The following GSTA5 variants were observed in gnomAD, a reference collection of about 807,000 sequenced individuals.
The protein encoded by GSTA5 is glutathione S-transferase alpha 5.
Under a neutral mutation model 21.8 loss-of-function variants are expected in GSTA5, and 25 were observed. That is an observed-to-expected ratio of 1.14 (90% CI 0.83 to 1.60). The LOEUF is 1.60. Ranked by LOEUF, GSTA5 falls within the 40% of genes most tolerant of loss-of-function variation. The pLI, the probability that GSTA5 is intolerant of heterozygous loss-of-function variation, is 0.00. For missense variants in GSTA5, 330 were observed against 259.2 expected (o/e 1.27, Z -1.88); for synonymous variants, 102 against 89.5 (o/e 1.14, Z -0.78).
intron 1 of GSTA5, 26 bp from the exon 2 acceptor site, chr6:52,837,635 T>C: frequency 6.5e-7 from 1 of 1,539,768 alleles, no homozygotes; most frequent in East Asian, 2.3e-5. Context: ...GTAAATGGGT[T>C]CTTCTTAGTT....
chr6:52,831,794 T>C, exon 6 of GSTA5: 19 of 1,605,582 alleles, frequency 1.2e-5, no homozygotes, highest in Non-Finnish European at 1.5e-5. Context: ...CACTTCATTG[T>C]TGCAAACTGT....
At chr6:52,846,244 G>A in the GSTA5 span, 2 of 166,798 alleles carry the variant, frequency 1.2e-5, no homozygotes, top group African/African-American at 2.4e-5. Context: ...CATGAGGCAA[G>A]TGATCTGCTT....
chr6:52,833,452 C>T (rs1236490926), intron 4 of GSTA5, among the ~76,000 whole-genome samples: 3 of 152,158 alleles, frequency 2.0e-5, no homozygotes, highest in South Asian at 4.1e-4. Flanking sequence ...CTCATTTGTC[C>T]TTGTCTGCCC....
rs781548202 is a variant in GSTA5, at chr6:52,836,284, A to G, written c.224T>C (p.Ile75Thr). The G allele has an allele frequency of 6.2e-6, 10 of 1,613,836 alleles. No individual in the cohort carries two copies. In the Admixed American group the frequency reaches 6.7e-5, roughly 11 times the overall value. Residue 75 changes from isoleucine to threonine, a missense_variant, in exon 3 of 6, where the codon ATT becomes ACT. Ile to Thr is a moderately conservative substitution (Grantham distance 89). Coordinates refer to ENST00000370989, the Ensembl canonical transcript of GSTA5. ...CCCATAAAGGTTGTATTTGCTGGCA[A>G]TGTAGTTAAGAATGGCTCTGGTCTG...
chr6:52,838,134 A>G (rs1454865709), intron 1 of GSTA5, among the ~76,000 whole-genome samples: 3 of 152,264 alleles, frequency 2.0e-5, no homozygotes, highest in South Asian at 4.1e-4. Flanking sequence ...ACTTGCAACT[A>G]TAATTTTCTC....
At chr6:52,832,020 T>C (rs747784346) in intron 5 of GSTA5, 50 bp from the exon 6 acceptor site, 2 of 1,573,362 alleles carry the variant, frequency 1.3e-6, no homozygotes, top group African/African-American at 1.4e-5. Context: ...CCGGCCACCA[T>C]CATTAAGATG....
chr6:52,845,408 G>A (rs1387887318), upstream of GSTA5, among the ~76,000 whole-genome samples: 3 of 152,152 alleles, frequency 2.0e-5, no homozygotes, highest in Admixed American at 1.3e-4. Context: ...GGGCAGGGAC[G>A]CTTAGAAACC....
intron 1 of GSTA5, among the ~76,000 whole-genome samples, chr6:52,840,373 AG>A (rs1291085440): frequency 6.6e-6 from 1 of 152,248 alleles, no homozygotes; most frequent in African/African-American, 2.4e-5. Context: ...AGATAACCAT[AG>A]TACATTATCA....
At chr6:52,845,577 G>A (rs1351750396), upstream of GSTA5, among the ~76,000 whole-genome samples, 1 of 152,108 alleles carries the variant, frequency 6.6e-6, no homozygotes, top group Non-Finnish European at 1.5e-5. Flanking sequence ...TAGTGGCAGA[G>A]GCTCAACTAG....
At chr6:52,845,064 A>G (rs77576679), upstream of GSTA5, among the ~76,000 whole-genome samples, 22 of 152,268 alleles carry the variant, frequency 1.4e-4, no homozygotes, top group East Asian at 3.1e-3. Context: ...GAACTCTAGT[A>G]GGAATAAATT....
intron 1 of GSTA5, among the ~76,000 whole-genome samples, chr6:52,840,355 T>A (rs770858365): frequency 6.6e-6 from 1 of 152,244 alleles, no homozygotes; most frequent in Non-Finnish European, 1.5e-5. Flanking sequence ...ACACATAAAC[T>A]GTTCTAAAGA....
intron 4 of GSTA5, 75 bp from the exon 5 acceptor site, chr6:52,833,065 C>T: frequency 1.3e-6 from 2 of 1,561,802 alleles, no homozygotes; most frequent in East Asian, 4.5e-5. Flanking sequence ...CAGAGCCTCT[C>T]CACCCTGACT....
intron 2 of GSTA5, among the ~76,000 whole-genome samples, chr6:52,837,094 A>G (rs529774938): frequency 6.6e-6 from 1 of 152,224 alleles, no homozygotes; most frequent in East Asian, 1.9e-4. Flanking sequence ...TTTTAATATA[A>G]GGGTCCCCTT....
chr6:52,844,651 G>A (rs1042257501), upstream of GSTA5, among the ~76,000 whole-genome samples: 1 of 152,168 alleles, frequency 6.6e-6, no homozygotes, highest in Non-Finnish European at 1.5e-5. Context: ...AAAGCTGTAG[G>A]TTGTTTAGTC....
chr6:52,833,660 C>A (rs576075757), intron 4 of GSTA5, among the ~76,000 whole-genome samples: 41 of 152,284 alleles, frequency 2.7e-4, no homozygotes, highest in Admixed American at 7.8e-4. Flanking sequence ...CCTCTGCATC[C>A]CACAGTCACT....
chr6:52,832,900 C>T lies in GSTA5; in HGVS notation c.505G>A (p.Glu169Lys), dbSNP rs777477326. 3.7e-6 allele frequency: 6 copies of T among 1,614,030 alleles called. No individual in the cohort carries two copies. The highest frequency in any genetic ancestry group is 5.1e-6 in the Non-Finnish European group (6 of 1,180,030). ...CTGGAGATAAGACTCGAGTCAAGCT[C>T]TTCCACGTAGTAGAAAAGTTCCACC... Residue 169 changes from glutamate to lysine, a missense_variant, in exon 5 of 6, where the codon GAG becomes AAG. Glu to Lys is a moderately conservative substitution (Grantham distance 56). Coordinates refer to ENST00000370989, the Ensembl canonical transcript of GSTA5.
intron 3 of GSTA5, among the ~76,000 whole-genome samples, chr6:52,834,983 A>G (rs1329606023): frequency 6.6e-6 from 1 of 152,218 alleles, no homozygotes; most frequent in Non-Finnish European, 1.5e-5. Context: ...GAGTTTCACA[A>G]TACTTTTTAA....
exon 4 of GSTA5, chr6:52,834,188 A>T: frequency 6.2e-7 from 1 of 1,614,202 alleles, no homozygotes; most frequent in Non-Finnish European, 8.5e-7. Flanking sequence ...TCTTTGACCA[A>T]GGCAGTCTTG....
Position 52,838,897 on chromosome 6 carries a change from G to C in GSTA5, c.88-1288C>G, listed in dbSNP as rs1211367110. ...GTAATGTTTCAAAATGCATGATACA[G>C]GGCCTGACCCACATACATCAAGTAA... On this transcript the variant is annotated intron_variant, in intron 1 of 5. Coordinates refer to ENST00000370989, the Ensembl canonical transcript of GSTA5. Among the ~76,000 whole-genome samples, 4 of 152,130 alleles carry C rather than the reference G, an allele frequency of 2.6e-5. No homozygotes were observed. In the East Asian group the frequency reaches 7.7e-4, roughly 29 times the overall value.
Sources: allele counts gnomAD v4.1 joint callset (sites outside exome capture counted in the v4.1 genomes callset), GRCh38; gene constraint gnomAD v4.1.1; transcripts MANE v1.5; gene names NCBI Gene and HGNC (gene_info 2026-07-23, HGNC 2026-07-21).